The following MROH9 variants were observed in gnomAD, a reference collection of about 807,000 sequenced individuals.
MROH9 encodes the protein maestro heat like repeat family member 9.
Under a neutral mutation model 98.2 loss-of-function variants are expected in MROH9, and 92 were observed. That is an observed-to-expected ratio of 0.94 (90% CI 0.79 to 1.11). MROH9 has a LOEUF of 1.11. Among genes scored for constraint, MROH9 ranks in the 50% most tolerant of loss-of-function variants. MROH9 has a pLI of 0.00. For missense variants in MROH9, 1,057 were observed against 1,014.8 expected (o/e 1.04, Z -0.57); for synonymous variants, 397 against 368.9 (o/e 1.08, Z -0.87).
In MROH9 at chr1:170,958,588, A is replaced by G. The variant is rs56901491; in HGVS notation, c.152+48A>G. On this transcript the variant is annotated intron_variant, in intron 4 of 21. Transcript: ENST00000367759. ...TTTATTTCACTAATTGGATGCATTT[A>G]AAATGTTATATCTTTAAAAACATGC... 7.2e-6 allele frequency: 9 copies of G among 1,242,760 alleles called. No individual in the cohort carries two copies. In the African/African-American group the frequency reaches 9.1e-5, roughly 12 times the overall value. The allele number at this position is 1,242,760 out of a possible 1,614,324, so 77.0% of individuals were successfully genotyped here.
intron 12 of MROH9, among the ~76,000 whole-genome samples, chr1:170,994,287 T>C (rs1031671448): frequency 1.1e-4 from 16 of 152,194 alleles, no homozygotes; most frequent in Admixed American, 9.8e-4. Flanking sequence ...AGCTATTTCT[T>C]TGTGAATATG....
At chr1:171,011,258 T>C (rs753313433) in intron 15 of MROH9, among the ~76,000 whole-genome samples, 1 of 152,158 alleles carries the variant, frequency 6.6e-6, no homozygotes, top group Admixed American at 6.5e-5. Flanking sequence ...AGAAAAATCA[T>C]CAATAGATGT....
At chr1:170,954,394 T>C (rs554683863) in intron 3 of MROH9, among the ~76,000 whole-genome samples, 1 of 152,212 alleles carries the variant, frequency 6.6e-6, no homozygotes, top group African/African-American at 2.4e-5. Flanking sequence ...CTGTATCAAT[T>C]CATCTATCAG....
chr1:170,970,702 C>CTGTGTGTGTGTGTGTGTGTGTGTGTG lies in MROH9; in HGVS notation c.481-1041_481-1016dup, dbSNP rs3980698. 2.6e-3 allele frequency among the ~76,000 whole-genome samples: 309 copies of CTGTGTGTGTGTGTGTGTGTGTGTGTG among 118,396 alleles called. 6 individuals carry two copies. Among genetic ancestry groups the CTGTGTGTGTGTGTGTGTGTGTGTGTG allele is most frequent in the Admixed American group, 3.9e-3 (45 of 11,452 alleles). The allele number at this position is 118,396 out of a possible 152,430, so 77.7% of individuals were successfully genotyped here. On this transcript the variant is annotated intron_variant, in intron 7 of 21. Coordinates refer to ENST00000367759, the MANE Select transcript of MROH9 (RefSeq NM_001163629.2). Reference sequence around the variant, plus strand: ...CTTCATATTTCTTCCTTAGGAATTTCTGTGTGTGTGTGTGTGTGTGTGTGT... The same window carrying CTGTGTGTGTGTGTGTGTGTGTGTGTG: ...CTTCATATTTCTTCCTTAGGAATTTCTGTGTGTGTGTGTGTGTGTGTGTGTGTGTGTGTGTGTGTGTGTGTGTGTGT...
Position 171,038,240 on chromosome 1 carries a change from C to CA in MROH9, c.2281+12829dup, listed in dbSNP as rs201551315. Among the ~76,000 whole-genome samples, 836 of 150,488 alleles carry CA rather than the reference C, an allele frequency of 5.6e-3. 9 individuals carry two copies. The highest frequency in any genetic ancestry group is 0.019 in the African/African-American group (764 of 41,128). On this transcript the variant is annotated intron_variant, in intron 20 of 21. Coordinates refer to ENST00000367759, the MANE Select transcript of MROH9 (RefSeq NM_001163629.2). ...ATAGAAAAATGGACGAAGTACACACCAAAAAAAAATCATTTGGCTCTTAAG... is the reference window on the plus strand; with the variant it reads ...ATAGAAAAATGGACGAAGTACACACCAAAAAAAAAATCATTTGGCTCTTAAG...
intron 15 of MROH9, among the ~76,000 whole-genome samples, chr1:171,004,529 C>T (rs1475951437): frequency 6.6e-6 from 1 of 152,170 alleles, no homozygotes; most frequent in Non-Finnish European, 1.5e-5. Flanking sequence ...TCAGCTTCTC[C>T]AGTCAGGTTG....
intron 15 of MROH9, among the ~76,000 whole-genome samples, chr1:170,999,084 T>A (rs1156282220): frequency 1.3e-5 from 2 of 152,164 alleles, no homozygotes; most frequent in African/African-American, 4.8e-5. Context: ...TGACTCATTA[T>A]TTTTATTGAA....
intron 8 of MROH9, among the ~76,000 whole-genome samples, chr1:170,979,826 A>T (rs1320701827): frequency 6.6e-6 from 1 of 152,188 alleles, no homozygotes; most frequent in Admixed American, 6.5e-5. Flanking sequence ...ACATCATTTT[A>T]TATTTAGAAA....
intron 15 of MROH9, among the ~76,000 whole-genome samples, chr1:170,999,839 A>G (rs1442667451): frequency 6.6e-6 from 1 of 152,032 alleles, no homozygotes; most frequent in East Asian, 1.9e-4. Context: ...TCACAACAAC[A>G]TCTACTGTTT....
chr1:171,010,186 C>T (rs1652101484), intron 15 of MROH9, among the ~76,000 whole-genome samples: 1 of 152,100 alleles, frequency 6.6e-6, no homozygotes. Context: ...CTTATGAGAA[C>T]ATGTGGTGTT....
rs113249684 is a variant in MROH9 at position 170,981,613 on chromosome 1, G to C, written c.617-1809G>C. On this transcript the variant is annotated intron_variant, in intron 8 of 21. Coordinates refer to ENST00000367759, the MANE Select transcript of MROH9 (RefSeq NM_001163629.2). ...ACACACACCAGGGCTTGTTGGAGGT[G>C]GGGGGTGCGGGGAGGGAACTTAAAG... Among the ~76,000 whole-genome samples, 987 of 152,036 alleles carry C rather than the reference G, an allele frequency of 6.5e-3. 10 individuals carry two copies. Among genetic ancestry groups the C allele is most frequent in the African/African-American group, 0.022 (924 of 41,458 alleles).
At chr1:171,007,494 A>C (rs566975876) in intron 15 of MROH9, among the ~76,000 whole-genome samples, 2 of 152,310 alleles carry the variant, frequency 1.3e-5, no homozygotes, top group South Asian at 2.1e-4. Context: ...AGGCTGCTTC[A>C]GTGTCTACAG....
chr1:170,958,385 C>A (rs1175203995), intron 3 of MROH9, 76 bp from the exon 4 acceptor site: 12 of 796,608 alleles, frequency 1.5e-5, no homozygotes, highest in Non-Finnish European at 2.2e-5. Flanking sequence ...GGAAGAAGTG[C>A]ACATGCTATT....
chr1:170,950,647 G>A (rs932859268), intron 3 of MROH9, among the ~76,000 whole-genome samples: 13 of 152,082 alleles, frequency 8.5e-5, no homozygotes, highest in Non-Finnish European at 1.9e-4. Context: ...CACTGTTTAC[G>A]CTTTTGTACT....
intron 5 of MROH9, among the ~76,000 whole-genome samples, chr1:170,960,236 CT>C (rs749873314): frequency 6.6e-6 from 1 of 152,158 alleles, no homozygotes; most frequent in Non-Finnish European, 1.5e-5. Context: ...GATTTGTAGG[CT>C]GCTATTTTTT....
intron 20 of MROH9, among the ~76,000 whole-genome samples, chr1:171,033,735 C>T (rs1249922187): frequency 1.3e-5 from 2 of 151,976 alleles, no homozygotes; most frequent in African/African-American, 2.4e-5. Context: ...GCCATCTATT[C>T]GGCTCCCCCA....
At chr1:171,012,769 C>T (rs1652202076) in intron 15 of MROH9, among the ~76,000 whole-genome samples, 1 of 152,128 alleles carries the variant, frequency 6.6e-6, no homozygotes, top group African/African-American at 2.4e-5. Context: ...TCCCAAAGCG[C>T]TGGGATTACA....
intron 13 of MROH9, among the ~76,000 whole-genome samples, chr1:170,996,004 C>T (rs548745582): frequency 1.7e-4 from 26 of 152,254 alleles, no homozygotes; most frequent in African/African-American, 6.0e-4. Context: ...TTTATGACTA[C>T]GTGCAGTTGT....
At chr1:171,008,096 T>C (rs1449188472) in intron 15 of MROH9, among the ~76,000 whole-genome samples, 1 of 152,230 alleles carries the variant, frequency 6.6e-6, no homozygotes, top group Non-Finnish European at 1.5e-5. Context: ...ATTCTTGTTT[T>C]ATTATGGATT....
Sources: gnomAD v4.1 joint callset for allele counts (sites outside exome capture counted in the v4.1 genomes callset) on GRCh38, gnomAD v4.1.1 for gene constraint, MANE v1.5 for transcripts, NCBI Gene and HGNC (gene_info 2026-07-23, HGNC 2026-07-21) for gene names.